Variants in RNF187 observed in about 807,000 individuals in gnomAD.
RNF187 encodes E3 ubiquitin-protein ligase RNF187.
A neutral mutation model predicts 22.2 loss-of-function variants in RNF187; 18 were observed. The ratio of observed to expected loss-of-function variants is 0.81; its 90% CI spans 0.56 to 1.20. The LOEUF (loss-of-function observed/expected upper bound fraction) is 1.20, where lower values mean the gene tolerates loss of function less well. Among genes scored for constraint, RNF187 ranks in the 50% most tolerant of loss-of-function variants. The pLI is 0.00. For missense variants in RNF187, 329 were observed against 317.6 expected, an observed-to-expected ratio of 1.04 and a Z score of -0.27; for synonymous variants, 164 against 140.9, an observed-to-expected ratio of 1.16 and a Z score of -1.16.
At chr1:228,488,387 C>G in intron 1 of RNF187, 1 of 155,540 alleles carries the variant, frequency 6.4e-6, no homozygotes, top group African/African-American at 2.4e-5. Context: ...GCCACCCAGC[C>G]CTCGCCTGCA....
Position 228,493,759 on chromosome 1 carries a change from C to A in RNF187, c.706-124C>A. 9.4e-7 allele frequency: 1 copy of A among 1,067,526 alleles called. No individual in the cohort carries two copies. The highest frequency in any genetic ancestry group is 1.4e-6 in the Non-Finnish European group (1 of 710,360). 66.1% of individuals were successfully genotyped at this position (1,067,526 alleles called of 1,614,324 possible). A position where few individuals can be genotyped will look rare whatever the true frequency, so the allele number is the denominator to read the frequency against. On this transcript the variant is annotated intron_variant, in intron 3 of 3. Transcript: ENST00000305943. The surrounding 1 kb of genome is among the most constrained non-coding windows in gnomAD (Gnocchi z 4.7). Reference sequence around the variant, plus strand: ...GGCCCTGGGTTTGTTGTGCTCAGGACAGTACCTCATGCGCTGTCTCATGTG... The same window carrying A: ...GGCCCTGGGTTTGTTGTGCTCAGGAAAGTACCTCATGCGCTGTCTCATGTG...
Position 228,494,219 on chromosome 1 carries a change from T to C in RNF187, c.*334T>C. On this transcript the variant is annotated 3_prime_UTR_variant, in exon 4 of 4. Transcript: ENST00000305943. ...CACCCATCTGCCCCTCACCTCGTCA[T>C]CCAGGGACCCAGACCCTGCACCTTC... The C allele has an allele frequency of 7.7e-7, 1 of 1,303,238 alleles. No individual in the cohort carries two copies. Among genetic ancestry groups the C allele is most frequent in the African/African-American group, 1.5e-5 (1 of 66,764 alleles). The allele number at this position is 1,303,238 out of a possible 1,614,324, so 80.7% of individuals were successfully genotyped here.
In RNF187 at chr1:228,494,157, T is replaced by G; in HGVS notation, c.*272T>G. On this transcript the variant is annotated 3_prime_UTR_variant, in exon 4 of 4. Transcript: ENST00000305943. ...AGTCCTAGCCACAGCCCATCCTCCA[T>G]GAGTCCCGGCAGCTCTGGGTCATGC... is the stretch of plus-strand genomic sequence containing the variant. The G allele has an allele frequency of 3.1e-5, 43 of 1,406,408 alleles. No individual in the cohort carries two copies. The highest frequency in any genetic ancestry group is 3.9e-5 in the Non-Finnish European group (42 of 1,080,538). 87.1% of individuals were successfully genotyped at this position (1,406,408 alleles called of 1,614,324 possible).
chr1:228,490,147 G>A, intron 2 of RNF187, among the ~76,000 whole-genome samples: 1 of 152,228 alleles, frequency 6.6e-6, no homozygotes, highest in Non-Finnish European at 1.5e-5. Context: ...AGGTGCAGCA[G>A]CTCTTGGGTA....
At position 228,496,059 on chromosome 1, in the gene RNF187, CCTT is replaced by C; in HGVS notation, c.*2175_*2177del. ...TGAAGTCACCATGCTGTGCAATAGA[CCTT>C]GAGTTTATTCTTGTATAGCAGGGAC... On this transcript the variant is annotated 3_prime_UTR_variant, in exon 4 of 4. Transcript: ENST00000305943. Among the ~76,000 whole-genome samples the C allele has an allele frequency of 6.6e-6, 1 of 152,180 alleles. No individual in the cohort carries two copies. The highest frequency in any genetic ancestry group is 1.5e-5 in the Non-Finnish European group (1 of 68,036).
intron 2 of RNF187, among the ~76,000 whole-genome samples, 196 bp downstream of exon 2, chr1:228,489,248 C>T: frequency 6.6e-6 from 1 of 152,096 alleles, no homozygotes; most frequent in Non-Finnish European, 1.5e-5. Context: ...AGAATCTAGC[C>T]AAAGCCAGTG....
At position 228,487,746 on chromosome 1, in the gene RNF187, C is replaced by T. The variant is rs1188363128; in HGVS notation, c.258C>T (p.Gly86=). The change falls in exon 1 of 4, where the codon GGC becomes GGT. Residue 86 remains glycine (G), a synonymous_variant. Transcript: ENST00000305943. ...CGGCCGCGGCGCCCGCGCGCGACGG[C>T]CCGGCCAGCGAGGCCGCGCTGCAGC... is the stretch of plus-strand genomic sequence containing the variant. 4.8e-6 allele frequency: 5 copies of T among 1,034,582 alleles called. No individual in the cohort carries two copies. The highest frequency in any genetic ancestry group is 5.7e-5 in the Admixed American group (1 of 17,576). The allele number at this position is 1,034,582 out of a possible 1,614,324, so 64.1% of individuals were successfully genotyped here.
In RNF187 at chr1:228,487,502, C is replaced by A; in HGVS notation, c.14C>A (p.Ala5Glu). ...CCGCCCGCAGCCCTGGCGCTCCCTG[C>A]GGGCCCCGCCGAGGCCGCCTGCGCC... Residue 5 changes from alanine to glutamate, a missense_variant, in exon 1 of 4, where the codon GCG (alanine) becomes GAG (glutamate). By Grantham distance (107) the Ala-to-Glu change is moderately radical (BLOSUM62 -1). Transcript: ENST00000305943. 12 of 1,135,548 alleles carry A rather than the reference C, an allele frequency of 1.1e-5. No individual in the cohort carries two copies. The highest frequency in any genetic ancestry group is 1.2e-5 in the Non-Finnish European group (11 of 929,216). The allele number at this position is 1,135,548 out of a possible 1,614,324, so 70.3% of individuals were successfully genotyped here.
At chr1:228,491,012 G>A in intron 2 of RNF187, among the ~76,000 whole-genome samples, 1 of 152,204 alleles carries the variant, frequency 6.6e-6, no homozygotes, top group South Asian at 2.1e-4. Context: ...GTGCAGCTGA[G>A]CACTGCAGTG....
intron 2 of RNF187, among the ~76,000 whole-genome samples, chr1:228,490,259 A>G: frequency 1.4e-4 from 22 of 152,284 alleles, no homozygotes; most frequent in African/African-American, 5.3e-4. Flanking sequence ...TGCTATCCAC[A>G]GGCCTGAGGT....
chr1:228,493,055 A>T lies in RNF187; in HGVS notation c.486A>T (p.Gly162=). The change falls in exon 3 of 4, where the codon GGA becomes GGT. Residue 162 remains glycine, a splice_region_variant and synonymous_variant. Transcript: ENST00000305943. This position sits in a 1 kb window ranked among gnomAD's most constrained non-coding sequence, Gnocchi z 4.7. ...CTTTTCCTGCCACCCGTTTGCAGGG[A>T]CACGTGATGGACCGTAGGAAGAAGG... is the stretch of plus-strand genomic sequence containing the variant. 1 of 1,541,318 alleles carries T rather than the reference A, an allele frequency of 6.5e-7. No individual in the cohort carries two copies. The highest frequency in any genetic ancestry group is 2.5e-5 in the East Asian group (1 of 40,690).
At position 228,493,226 on chromosome 1, in the gene RNF187, G is replaced by C; in HGVS notation, c.657G>C (p.Ser219=). 6.4e-7 allele frequency: 1 copy of C among 1,551,514 alleles called. No individual in the cohort carries two copies. The highest frequency in any genetic ancestry group is 1.2e-5 in the South Asian group (1 of 84,054). The stretch of plus-strand genomic sequence containing the variant: ...TCAGGTCACTGCTGCAGGCGGTCTC[G>C]GAGCTGGAGAAGAAGCATCGCAACC... Residue 219 remains serine, a synonymous_variant, in exon 3 of 4, where the codon TCG becomes TCC. Transcript: ENST00000305943. The surrounding 1 kb of genome is among the most constrained non-coding windows in gnomAD (Gnocchi z 4.7).
Position 228,493,801 on chromosome 1 carries a change from C to G in RNF187, c.706-82C>G. 5.5e-6 allele frequency: 8 copies of G among 1,441,644 alleles called. No individual in the cohort carries two copies. In the African/African-American group the frequency reaches 8.5e-5, roughly 15 times the overall value. The allele number at this position is 1,441,644 out of a possible 1,614,324, so 89.3% of individuals were successfully genotyped here. On this transcript the variant is annotated intron_variant, in intron 3 of 3. Transcript: ENST00000305943. The surrounding 1 kb of genome is among the most constrained non-coding windows in gnomAD (Gnocchi z 4.7). The stretch of plus-strand genomic sequence containing the variant: ...TCTCATGTGCGCTCTCTCTTTCGCT[C>G]TCTCCTTTTGCCTCTGTCTCTGACT...
chr1:228,489,364 G>T lies in RNF187; in HGVS notation c.483+312G>T. 2.0e-5 allele frequency among the ~76,000 whole-genome samples: 3 copies of T among 151,916 alleles called. 1 individual carries two copies. The highest frequency in any genetic ancestry group is 3.9e-4 in the East Asian group (2 of 5,178). On this transcript the variant is annotated intron_variant, in intron 2 of 3. Transcript: ENST00000305943. Reference sequence around the variant, plus strand: ...CTCACTTCATTACCCAGGCTGAAGTGCAATGGCATGATTGTAGCTCACTGC... The same window carrying T: ...CTCACTTCATTACCCAGGCTGAAGTTCAATGGCATGATTGTAGCTCACTGC...
intron 2 of RNF187, among the ~76,000 whole-genome samples, chr1:228,491,693 G>C: frequency 6.6e-6 from 1 of 152,106 alleles, no homozygotes; most frequent in East Asian, 1.9e-4. Context: ...AACCACCTCG[G>C]CCTCCCAAAG....
At position 228,493,897 on chromosome 1, in the gene RNF187, C is replaced by T; in HGVS notation, c.*12C>T. 1.5e-4 allele frequency: 227 copies of T among 1,551,630 alleles called. No homozygotes were observed. The highest frequency in any genetic ancestry group is 1.9e-4 in the Non-Finnish European group (213 of 1,147,002). ...CTCCCATGCAGTGATGGCGCCAACC[C>T]GTGGCAGTCCCAGAGCTGGAGGCAG... On this transcript the variant is annotated 3_prime_UTR_variant, in exon 4 of 4. Transcript: ENST00000305943. This position sits in a 1 kb window ranked among gnomAD's most constrained non-coding sequence, Gnocchi z 4.7.
In RNF187 at chr1:228,487,859, G is replaced by T; in HGVS notation, c.371G>T (p.Arg124Met). ...CCGCCCGAGTGGGAACCGCGCTGGA[G>T]GAAGGCGCTGCGCGGCAAGGTGCGC... Residue 124 changes from arginine to methionine, a missense_variant, in exon 1 of 4, where the codon AGG (arginine) becomes ATG (methionine). Coordinates refer to ENST00000305943, the MANE Select transcript of RNF187 (RefSeq NM_001010858.3). 1 of 1,230,536 alleles carries T rather than the reference G, an allele frequency of 8.1e-7. No homozygotes were observed. The highest frequency in any genetic ancestry group is 1.0e-6 in the Non-Finnish European group (1 of 981,396). 76.2% of individuals were successfully genotyped at this position (1,230,536 alleles called of 1,614,324 possible).
intron 2 of RNF187, among the ~76,000 whole-genome samples, chr1:228,490,951 AG>A: frequency 6.6e-6 from 1 of 152,208 alleles, no homozygotes; most frequent in Admixed American, 6.5e-5. Flanking sequence ...GGGCCACTCA[AG>A]GATTTACTGT....
Position 228,493,828 on chromosome 1 carries a change from T to C in RNF187, c.706-55T>C. ...CTCCTTTTGCCTCTGTCTCTGACTC[T>C]GTGTGTCTCTTTCTCTTTTTGTCTC... is the stretch of plus-strand genomic sequence containing the variant. On this transcript the variant is annotated intron_variant, in intron 3 of 3. Coordinates refer to ENST00000305943, the MANE Select transcript of RNF187 (RefSeq NM_001010858.3). The surrounding 1 kb of genome is among the most constrained non-coding windows in gnomAD (Gnocchi z 4.7). The C allele has an allele frequency of 1.1e-5, 17 of 1,533,194 alleles. No homozygotes were observed. The highest frequency in any genetic ancestry group is 2.0e-5 in the Admixed American group (1 of 50,964). 95.0% of individuals were successfully genotyped at this position (1,533,194 alleles called of 1,614,324 possible). A position where few individuals can be genotyped will look rare whatever the true frequency, so the allele number is the denominator to read the frequency against.
Sources: allele counts gnomAD v4.1 joint callset (sites outside exome capture counted in the v4.1 genomes callset), GRCh38; gene constraint gnomAD v4.1.1; non-coding constraint Gnocchi (gnomAD v3.1); transcripts MANE v1.5; gene names NCBI Gene and HGNC (gene_info 2026-07-23, HGNC 2026-07-21).